Variants in ZNF84 observed in about 807,000 individuals in gnomAD.
ZNF84 encodes zinc finger protein HPF2.
In ZNF84, 12 loss-of-function variants were observed where a neutral mutation model predicts 14.8. That is an observed-to-expected ratio of 0.81 (90% confidence interval 0.52 to 1.31). The LOEUF is 1.31. Ranked by LOEUF, ZNF84 falls within the 50% of genes most tolerant of loss-of-function variation. ZNF84 has a pLI of 0.00. For synonymous variants in ZNF84, 347 were observed against 291.1 expected (o/e 1.19, Z -1.96); for missense variants, 859 against 878.6 (o/e 0.98, Z 0.28).
rs200285766 is a variant in ZNF84 at position 133,057,365 on chromosome 12, G to A, written c.650G>A (p.Ser217Asn). The A allele has an allele frequency of 3.8e-5, 61 of 1,613,888 alleles. No individual in the cohort carries two copies. Among genetic ancestry groups the A allele is most frequent in the Non-Finnish European group, 4.6e-5 (54 of 1,180,034 alleles). ...TGCAGTGAATGTAGGAAGCGCTTCA[G>A]TAAGAAACCAAGTCTCATTAAACAT... The part of the protein sequence containing the change: ...YECSECRKRF[S>N]KKPSLIKHQS... Residue 217 changes from serine (S) to asparagine (N), a missense_variant, in exon 5 of 5, where the codon AGT becomes AAT. Ser to Asn is a conservative substitution (Grantham distance 46). Coordinates refer to ENST00000539354, the MANE Select transcript of ZNF84 (RefSeq NM_001289971.2).
Position 133,050,391 on chromosome 12 carries a change from C to T in ZNF84, c.238+1543C>T, listed in dbSNP as rs1453855059. On this transcript the variant is annotated intron_variant, in intron 4 of 4. Coordinates refer to ENST00000539354, the MANE Select transcript of ZNF84 (RefSeq NM_001289971.2). ...CCAGAATGTCCAGGGTCCCTGCATA[C>T]AGACCAATCTTATGCTTTCAGCTCA... The T allele has an allele frequency of 4.0e-5, 16 of 397,864 alleles. No individual in the cohort carries two copies. The Admixed American group carries it at 6.2e-4, about 15-fold the overall frequency. 24.6% of individuals were successfully genotyped at this position (397,864 alleles called of 1,614,324 possible). A position where few individuals can be genotyped will look rare whatever the true frequency, so the allele number is the denominator to read the frequency against.
intron 3 of ZNF84, chr12:133,048,353 T>G (rs1440178471): frequency 3.0e-6 from 1 of 337,188 alleles, no homozygotes; most frequent in Non-Finnish European, 5.5e-6. Flanking sequence ...GCATATAACT[T>G]ACTATATGCC....
intron 4 of ZNF84, among the ~76,000 whole-genome samples, chr12:133,054,602 T>C (rs1164298321): frequency 7.0e-6 from 1 of 142,718 alleles, no homozygotes; most frequent in Non-Finnish European, 1.5e-5. Flanking sequence ...TTTGAAAATG[T>C]GTTGCATTAA....
Position 133,060,270 on chromosome 12 carries a change from A to G in ZNF84, c.*1338A>G, listed in dbSNP as rs1285292365. Reference sequence around the variant, plus strand: ...AATTAGATGGATAAATGAATTATTAAAAAATCACATTTCTGAAGATGTAAA... The same window carrying G: ...AATTAGATGGATAAATGAATTATTAGAAAATCACATTTCTGAAGATGTAAA... On this transcript the variant is annotated 3_prime_UTR_variant, in exon 5 of 5. Transcript: ENST00000539354. 2.6e-5 allele frequency: 4 copies of G among 152,204 alleles called. No homozygotes were observed. The highest frequency in any genetic ancestry group is 2.6e-4 in the Admixed American group (4 of 15,284). The allele number at this position is 152,204 out of a possible 1,614,324, so 9.4% of individuals were successfully genotyped here.
In ZNF84 at chr12:133,058,312, C is replaced by T. The variant is rs1954197746; in HGVS notation, c.1597C>T (p.His533Tyr). The T allele has an allele frequency of 6.2e-7, 1 of 1,614,004 alleles. No individual in the cohort carries two copies. Among genetic ancestry groups the T allele is most frequent in the African/African-American group, 1.3e-5 (1 of 74,908 alleles). ...TTGTCAGAAGTCACATCTCATATCA[C>T]ATCAGAGGACACATACAGGGGAGAA... is the stretch of plus-strand genomic sequence containing the variant. ...AFCQKSHLIS[H>Y]QRTHTGEKPY... Residue 533 changes from histidine (H) to tyrosine (Y), a missense_variant, in exon 5 of 5, where the codon CAT becomes TAT. His to Tyr is a moderately conservative substitution (Grantham distance 83, BLOSUM62 2). Transcript: ENST00000539354.
At chr12:133,054,676 TAAAC>T (rs1479234941) in intron 4 of ZNF84, among the ~76,000 whole-genome samples, 1 of 150,754 alleles carries the variant, frequency 6.6e-6, no homozygotes, top group Non-Finnish European at 1.5e-5. Context: ...TTTTACAACA[TAAAC>T]ATATATCAAA....
In ZNF84 at chr12:133,057,573, A is replaced by G. The variant is rs1954182169; in HGVS notation, c.858A>G (p.Thr286=). 1.9e-6 allele frequency: 3 copies of G among 1,614,090 alleles called. No homozygotes were observed. The highest frequency in any genetic ancestry group is 2.7e-5 in the African/African-American group (2 of 74,938). The change falls in exon 5 of 5, where the codon ACA becomes ACG. Residue 286 remains threonine, a synonymous_variant. Transcript: ENST00000539354. ...SQLTSHQRTH[T]GEKPYECGEC... ...TCACATCCCATCAGCGGACACATAC[A>G]GGAGAGAAACCTTATGAGTGTGGTG...
chr12:133,052,052 A>T (rs1954078728), intron 4 of ZNF84, among the ~76,000 whole-genome samples: 1 of 152,220 alleles, frequency 6.6e-6, no homozygotes. Context: ...GTAAGCAGGA[A>T]AAAATTCAGA....
In ZNF84 at chr12:133,059,957, T is replaced by A. The variant is rs1285925350; in HGVS notation, c.*1025T>A. 1 of 152,192 alleles carries A rather than the reference T, an allele frequency of 6.6e-6. No homozygotes were observed. Among genetic ancestry groups the A allele is most frequent in the Non-Finnish European group, 1.5e-5 (1 of 68,026 alleles). The allele number at this position is 152,192 out of a possible 1,614,324, so 9.4% of individuals were successfully genotyped here. A position where few individuals can be genotyped will look rare whatever the true frequency, so the allele number is the denominator to read the frequency against. On this transcript the variant is annotated 3_prime_UTR_variant, in exon 5 of 5. Coordinates refer to ENST00000539354, the MANE Select transcript of ZNF84 (RefSeq NM_001289971.2). ...CTCAGAGTCTGAGTAACAGTTTATA[T>A]AAAATAAATATGCAAAGGCAGGAAC...
At position 133,044,794 on chromosome 12, in the gene ZNF84, A is replaced by G. The variant is rs2137347727; in HGVS notation, c.16-3161A>G. ...CCGGGCGTGGTGGCAGGCGCCTGTT[A>G]TCCTAGCTACTTGGGAGGCTGAGGC... On this transcript the variant is annotated intron_variant, in intron 2 of 4. Transcript: ENST00000539354. 2.0e-5 allele frequency among the ~76,000 whole-genome samples: 3 copies of G among 152,050 alleles called. No homozygotes were observed. In the South Asian group the frequency reaches 6.2e-4, roughly 32 times the overall value.
At chr12:133,048,637 AC>A (rs1442721529) in intron 3 of ZNF84, 115 bp from the exon 4 acceptor site, 2 of 659,564 alleles carry the variant, frequency 3.0e-6, no homozygotes, top group Non-Finnish European at 5.3e-6. Context: ...AGAATTACTT[AC>A]TCTGTTGGGG....
intron 1 of ZNF84, among the ~76,000 whole-genome samples, chr12:133,038,453 CTG>C (rs66961027): frequency 0.2 from 30,198 of 151,444 alleles, 3,342 homozygotes; most frequent in African/African-American, 0.3. Context: ...CCCAGCTACT[CTG>C]TAGGTTGAGG....
Position 133,062,660 on chromosome 12 carries a change from T to C in ZNF84, c.*3728T>C. 5.4e-6 allele frequency: 1 copy of C among 184,196 alleles called. No individual in the cohort carries two copies. The highest frequency in any genetic ancestry group is 1.3e-4 in the East Asian group (1 of 7,714). 11.4% of individuals were successfully genotyped at this position (184,196 alleles called of 1,614,324 possible). A position where few individuals can be genotyped will look rare whatever the true frequency, so the allele number is the denominator to read the frequency against. On this transcript the variant is annotated 3_prime_UTR_variant, in exon 5 of 5. Transcript: ENST00000539354. Reference sequence around the variant, plus strand: ...TTTCACATGTATACATAGTGATTATTTTTAAATGCAACCCTGATTTCACAT... The same window carrying C: ...TTTCACATGTATACATAGTGATTATCTTTAAATGCAACCCTGATTTCACAT...
At chr12:133,039,576 G>A (rs1389259691) in intron 1 of ZNF84, among the ~76,000 whole-genome samples, 1 of 152,190 alleles carries the variant, frequency 6.6e-6, no homozygotes, top group African/African-American at 2.4e-5. Flanking sequence ...TTATAGGGTT[G>A]TGCATGAGTT....
At chr12:133,045,955 C>G (rs1953971721) in intron 2 of ZNF84, among the ~76,000 whole-genome samples, 1 of 31,126 alleles carries the variant, frequency 3.2e-5, no homozygotes, top group Non-Finnish European at 8.1e-5. Flanking sequence ...AAGTCATTTT[C>G]TGTCTGTTCA....
Position 133,052,327 on chromosome 12 carries a change from A to G in ZNF84, c.238+3479A>G, listed in dbSNP as rs1269555463. 3.3e-5 allele frequency among the ~76,000 whole-genome samples: 5 copies of G among 151,954 alleles called. No homozygotes were observed. The East Asian group carries it at 9.7e-4, about 29-fold the overall frequency. On this transcript the variant is annotated intron_variant, in intron 4 of 4. Coordinates refer to ENST00000539354, the MANE Select transcript of ZNF84 (RefSeq NM_001289971.2). The stretch of plus-strand genomic sequence containing the variant: ...ACATGGAGAGAGAGAGAGAGAAGAG[A>G]TCTCTTGTGGGGTTTCTTTTTTCTT...
chr12:133,049,726 G>A (rs993714316), intron 4 of ZNF84, among the ~76,000 whole-genome samples: 2 of 151,950 alleles, frequency 1.3e-5, no homozygotes, highest in South Asian at 2.1e-4. Context: ...TGTGATTCCC[G>A]CTTTGGTCTC....
At position 133,057,416 on chromosome 12, in the gene ZNF84, C is replaced by G; in HGVS notation, c.701C>G (p.Ala234Gly). Residue 234 changes from alanine (A) to glycine (G), a missense_variant, in exon 5 of 5, where the codon GCC becomes GGC. Transcript: ENST00000539354. ...KHQSRHIRDI[A>G]FGCGNCGKTF... ...CAGAGCAGACATATAAGAGACATAG[C>G]CTTTGGCTGTGGTAATTGTGGCAAA... 1 of 1,614,174 alleles carries G rather than the reference C, an allele frequency of 6.2e-7. No individual in the cohort carries two copies.
chr12:133,057,268 TATAAA>T lies in ZNF84; in HGVS notation c.554_558del (p.Tyr185Ter). 1 of 1,613,764 alleles carries T rather than the reference TATAAA, an allele frequency of 6.2e-7. No individual in the cohort carries two copies. Among genetic ancestry groups the T allele is most frequent in the Non-Finnish European group, 8.5e-7 (1 of 1,179,942 alleles). On this transcript the variant is annotated frameshift_variant, in exon 5 of 5. Transcript: ENST00000539354. LOFTEE classifies it low-confidence loss of function (END_TRUNC). ...GTTAAAATACTATGACTGTGATAAA[TATAAA>T]GAGAGCTATAAAAAGTCACAGATTA...
Sources: allele counts gnomAD v4.1 joint callset (sites outside exome capture counted in the v4.1 genomes callset), GRCh38; gene constraint gnomAD v4.1.1; transcripts MANE v1.5; gene names NCBI Gene and HGNC (gene_info 2026-07-23, HGNC 2026-07-21).